The following GRM8 variants were observed in gnomAD, a reference collection of about 807,000 sequenced individuals.
GRM8 encodes the protein metabotropic glutamate receptor 8.
Under a neutral mutation model 87.2 loss-of-function variants are expected in GRM8, and 47 were observed. That is an observed-to-expected ratio of 0.54 (90% confidence interval 0.43 to 0.69). The LOEUF is 0.69. GRM8 is among the 30% of genes least tolerant of loss of function. GRM8 has a pLI of 0.00. For synonymous variants in GRM8, 396 were observed against 404.5 expected, an observed-to-expected ratio of 0.98 and a Z score of 0.25; for missense variants, 1,019 against 1,139.2, an observed-to-expected ratio of 0.89 and a Z score of 1.52.
chr7:126,950,240 T>C (rs1178903645), intron 3 of GRM8, among the ~76,000 whole-genome samples: 1 of 152,178 alleles, frequency 6.6e-6, no homozygotes, highest in African/African-American at 2.4e-5. Context: ...TAGGTTGAAA[T>C]AGCCAAATGA....
chr7:127,010,945 AAGG>A (rs1401917224), intron 3 of GRM8, among the ~76,000 whole-genome samples: 2 of 152,108 alleles, frequency 1.3e-5, no homozygotes, highest in Non-Finnish European at 2.9e-5. Flanking sequence ...AGAGGAAGAG[AAGG>A]AGGAGGAAAG....
At chr7:126,830,977 C>G (rs1444507671) in intron 6 of GRM8, among the ~76,000 whole-genome samples, 1 of 152,204 alleles carries the variant, frequency 6.6e-6, no homozygotes, top group African/African-American at 2.4e-5. Context: ...ACTCCAGACC[C>G]TGTTTGCCTG....
intron 6 of GRM8, among the ~76,000 whole-genome samples, chr7:126,898,041 C>T (rs143051460): frequency 5.3e-5 from 8 of 152,216 alleles, no homozygotes; most frequent in South Asian, 4.1e-4. Flanking sequence ...CAAATAATTA[C>T]GTTCGCAGAT....
chr7:126,548,616 G>A (rs968790107), intron 8 of GRM8, among the ~76,000 whole-genome samples: 1 of 152,186 alleles, frequency 6.6e-6, no homozygotes, highest in African/African-American at 2.4e-5. Flanking sequence ...GATGATAGGA[G>A]AGGAAGTGTA....
intron 6 of GRM8, among the ~76,000 whole-genome samples, chr7:126,800,111 T>C (rs1274421384): frequency 6.6e-6 from 1 of 152,128 alleles, no homozygotes; most frequent in Non-Finnish European, 1.5e-5. Flanking sequence ...GCTCTAACTT[T>C]CAAGTTTTTT....
At chr7:126,825,915 C>T (rs1295596316) in intron 6 of GRM8, among the ~76,000 whole-genome samples, 1 of 150,268 alleles carries the variant, frequency 6.7e-6, no homozygotes, top group African/African-American at 2.5e-5. Flanking sequence ...GTTCCCCTTC[C>T]TGTGTCCATG....
At chr7:126,800,544 C>A (rs1222684974) in intron 6 of GRM8, among the ~76,000 whole-genome samples, 2 of 152,082 alleles carry the variant, frequency 1.3e-5, no homozygotes, top group East Asian at 1.9e-4. Context: ...TAATTTGTTT[C>A]TTTGACCAGC....
chr7:127,070,442 A>G (rs1821565171), intron 3 of GRM8, among the ~76,000 whole-genome samples: 1 of 152,096 alleles, frequency 6.6e-6, no homozygotes, highest in Non-Finnish European at 1.5e-5. Flanking sequence ...AAAGTTCACC[A>G]CCAGCTTTGA....
intron 3 of GRM8, among the ~76,000 whole-genome samples, chr7:127,096,516 T>A (rs1384147667): frequency 2.0e-5 from 3 of 151,254 alleles, no homozygotes; most frequent in African/African-American, 7.3e-5. Context: ...GCCAAGATCA[T>A]GCCACTGCAC....
intron 2 of GRM8, among the ~76,000 whole-genome samples, chr7:127,180,630 T>TA (rs762832603): frequency 6.6e-6 from 1 of 151,874 alleles, no homozygotes; most frequent in Non-Finnish European, 1.5e-5. Flanking sequence ...TCCAACAACA[T>TA]ACCAAAAAGA....
intron 3 of GRM8, among the ~76,000 whole-genome samples, chr7:126,926,764 A>G (rs1805171978): frequency 6.6e-6 from 1 of 152,186 alleles, no homozygotes; most frequent in African/African-American, 2.4e-5. Context: ...TCATCTGGAC[A>G]TGTCCTGCAA....
intron 6 of GRM8, among the ~76,000 whole-genome samples, chr7:126,892,340 T>C (rs893834817): frequency 2.0e-5 from 3 of 152,028 alleles, no homozygotes; most frequent in African/African-American, 7.2e-5. Context: ...CCTGTGTCCA[T>C]GTGTTCTCAT....
intron 2 of GRM8, among the ~76,000 whole-genome samples, chr7:127,144,422 A>G (rs1828442338): frequency 6.6e-6 from 1 of 152,094 alleles, no homozygotes; most frequent in South Asian, 2.1e-4. Flanking sequence ...CCCTTCATAA[A>G]TTATTTGAAA....
At chr7:126,740,922 C>T (rs1435876488) in intron 7 of GRM8, among the ~76,000 whole-genome samples, 1 of 152,006 alleles carries the variant, frequency 6.6e-6, no homozygotes, top group East Asian at 1.9e-4. Flanking sequence ...AATAGAATAA[C>T]CCAAAATACA....
intron 7 of GRM8, among the ~76,000 whole-genome samples, chr7:126,714,113 A>T (rs1009922911): frequency 2.7e-5 from 4 of 150,918 alleles, no homozygotes. Context: ...CTTTACTAAA[A>T]AAAAAAATAC....
intron 7 of GRM8, among the ~76,000 whole-genome samples, chr7:126,674,796 A>C (rs750646782): frequency 2.0e-5 from 3 of 152,202 alleles, no homozygotes; most frequent in Non-Finnish European, 2.9e-5. Context: ...TGTACATAGT[A>C]AGCACAAAAC....
intron 2 of GRM8, among the ~76,000 whole-genome samples, chr7:127,111,427 G>A (rs990490277): frequency 2.0e-5 from 3 of 152,104 alleles, no homozygotes; most frequent in African/African-American, 4.8e-5. Context: ...CACCCAGAAC[G>A]TGACTACATT....
intron 3 of GRM8, among the ~76,000 whole-genome samples, chr7:126,974,995 G>A (rs926028519): frequency 2.0e-4 from 28 of 143,310 alleles, no homozygotes; most frequent in Non-Finnish European, 3.2e-4. Context: ...TGTGACAGCT[G>A]CAAGTGGGAC....
intron 3 of GRM8, among the ~76,000 whole-genome samples, chr7:126,998,177 G>T (rs1333327092): frequency 6.6e-6 from 1 of 151,768 alleles, no homozygotes; most frequent in African/African-American, 2.4e-5. Flanking sequence ...TGATCATTTC[G>T]ATTGATGCTG....
Sources: allele counts gnomAD v4.1 joint callset (sites outside exome capture counted in the v4.1 genomes callset), GRCh38; gene constraint gnomAD v4.1.1; transcripts MANE v1.5; gene names NCBI Gene and HGNC (gene_info 2026-07-23, HGNC 2026-07-21).